RIOX1: variants seen among roughly 807,000 people sequenced by gnomAD.
RIOX1 encodes ribosomal oxygenase 1.
A neutral mutation model predicts 44.6 loss-of-function variants in RIOX1; 33 were observed. The observed-to-expected ratio is 0.74, with a 90% CI of 0.56 to 0.99. The LOEUF (loss-of-function observed/expected upper bound fraction) is 0.99. RIOX1 is among the 50% of genes least tolerant of loss of function. RIOX1 has a pLI of 0.00. For missense variants in RIOX1, 821 were observed against 871.7 expected (o/e 0.94, Z 0.73); for synonymous variants, 387 against 395.8 (o/e 0.98, Z 0.26).
chr14:73,491,765 A>G lies in RIOX1; in HGVS notation c.748A>G (p.Met250Val). 6.4e-7 allele frequency: 1 copy of G among 1,566,942 alleles called. No individual in the cohort carries two copies. Among genetic ancestry groups the G allele is most frequent in the African/African-American group, 1.4e-5 (1 of 73,656 alleles). Reference sequence around the variant, plus strand: ...TTTCTCTACCGCTGACCTGGATTCGATGCTGCGCAACGAGGAGGTGCAGTT... The same window carrying G: ...TTTCTCTACCGCTGACCTGGATTCGGTGCTGCGCAACGAGGAGGTGCAGTT... ...GLFSTADLDS[M>V]LRNEEVQFGQ... Residue 250 changes from methionine (M) to valine (V), a missense_variant, in exon 1 of 1, where the codon ATG (methionine) becomes GTG (valine). By Grantham distance (21) the Met-to-Val change is conservative. This residue lies in a region of RIOX1 where 554 missense variants were observed against 531.2 expected (regional missense o/e 1.04). Transcript: ENST00000304061.
In RIOX1 at chr14:73,491,047, G is replaced by C. The variant is rs765483658; in HGVS notation, c.30G>C (p.Pro10=). The C allele has an allele frequency of 1.3e-6, 2 of 1,587,232 alleles. No individual in the cohort carries two copies. Among genetic ancestry groups the C allele is most frequent in the East Asian group, 2.3e-5 (1 of 43,324 alleles). ...ATGGGCTCCAGGCCAGTGCAGGGCC[G>C]TTGAGGCGCGGGCGGCCGAAGCGCC... MDGLQASAG[P]LRRGRPKRRR... The change falls in exon 1 of 1, where the codon CCG becomes CCC. Residue 10 remains proline, a synonymous_variant. Coordinates refer to ENST00000304061, the MANE Select transcript of RIOX1 (RefSeq NM_024644.5).
In RIOX1 at chr14:73,493,204, T is replaced by C; in HGVS notation, c.*261T>C. ...TGATCATTTCAGAGCACCAACTTCA[T>C]CACCTTCAGGCTTCAGTGTACTGGG... On this transcript the variant is annotated 3_prime_UTR_variant, in exon 1 of 1. Coordinates refer to ENST00000304061, the MANE Select transcript of RIOX1 (RefSeq NM_024644.5). 1 of 1,138,788 alleles carries C rather than the reference T, an allele frequency of 8.8e-7. No individual in the cohort carries two copies. The highest frequency in any genetic ancestry group is 1.3e-6 in the Non-Finnish European group (1 of 751,856). The allele number at this position is 1,138,788 out of a possible 1,614,324, so 70.5% of individuals were successfully genotyped here.
chr14:73,492,740 C>G lies in RIOX1; in HGVS notation c.1723C>G (p.Arg575Gly). 1.2e-6 allele frequency: 2 copies of G among 1,613,898 alleles called. No individual in the cohort carries two copies. The highest frequency in any genetic ancestry group is 1.7e-6 in the Non-Finnish European group (2 of 1,179,888). ...TCTCTATTACACAGTGGAAAACTCC[C>G]GTGTGTATCATCTGGAAGAACCCAA... ...LFLYYTVENS[R>G]VYHLEEPKCL... The change falls in exon 1 of 1, where the codon CGT becomes GGT. Residue 575 changes from arginine to glycine, a missense_variant. This residue lies in a region of RIOX1 where 267 missense variants were observed against 340.5 expected (regional missense o/e 0.78). Coordinates refer to ENST00000304061, the MANE Select transcript of RIOX1 (RefSeq NM_024644.5). This position sits in a 1 kb window ranked among gnomAD's most constrained non-coding sequence, Gnocchi z 4.9.
In RIOX1 at chr14:73,491,959, G is replaced by A. The variant is rs1885788461; in HGVS notation, c.942G>A (p.Val314=). The A allele has an allele frequency of 6.2e-7, 1 of 1,613,910 alleles. No homozygotes were observed. The highest frequency in any genetic ancestry group is 1.7e-5 in the Admixed American group (1 of 60,014). Residue 314 remains valine, a synonymous_variant, in exon 1 of 1, where the codon GTG becomes GTA. Transcript: ENST00000304061. ...FSTTVWQFLA[V]LQEQFGSMAG... is the part of the protein sequence containing the mutation. Reference sequence around the variant, plus strand: ...CTACTGTGTGGCAGTTTTTGGCTGTGCTTCAAGAGCAGTTTGGAAGCATGG... The same window carrying A: ...CTACTGTGTGGCAGTTTTTGGCTGTACTTCAAGAGCAGTTTGGAAGCATGG...
rs1885720393 is a variant in RIOX1, at chr14:73,491,368, C to T, written c.351C>T (p.Thr117=). The change falls in exon 1 of 1, where the codon ACC becomes ACT. Residue 117 remains threonine, a synonymous_variant. Transcript: ENST00000304061. ...CGCCCGCCGCGCGCTCCCTGCAGAC[C>T]CCGTCGGCGCGCCTGGTGCCCGCTT... is the stretch of plus-strand genomic sequence containing the variant. The part of the protein sequence containing the change: ...EASPAARSLQ[T]PSARLVPASA... 2 of 1,366,908 alleles carry T rather than the reference C, an allele frequency of 1.5e-6. No homozygotes were observed. The highest frequency in any genetic ancestry group is 1.9e-6 in the Non-Finnish European group (2 of 1,066,146). The allele number at this position is 1,366,908 out of a possible 1,614,324, so 84.7% of individuals were successfully genotyped here.
Position 73,491,102 on chromosome 14 carries a change from G to T in RIOX1, c.85G>T (p.Val29Phe). The change falls in exon 1 of 1, where the codon GTC (valine) becomes TTC (phenylalanine). Residue 29 changes from valine (V) to phenylalanine (F), a missense_variant. By Grantham distance (50) the Val-to-Phe change is conservative. Coordinates refer to ENST00000304061, the MANE Select transcript of RIOX1 (RefSeq NM_024644.5). ...CAAGCCCCAGCCACACAGCGGGTCGGTCCTGGCCCTGCCCTTGAGGTCCAG... is the reference window on the plus strand; with the variant it reads ...CAAGCCCCAGCCACACAGCGGGTCGTTCCTGGCCCTGCCCTTGAGGTCCAG... Reference protein sequence around the residue: ...RRKPQPHSGSVLALPLRSRKI... With the variant: ...RRKPQPHSGSFLALPLRSRKI... 6.2e-7 allele frequency: 1 copy of T among 1,606,080 alleles called. No individual in the cohort carries two copies. Among genetic ancestry groups the T allele is most frequent in the Non-Finnish European group, 8.5e-7 (1 of 1,176,440 alleles).
chr14:73,491,510 G>T lies in RIOX1; in HGVS notation c.493G>T (p.Ala165Ser). Residue 165 changes from alanine to serine, a missense_variant, in exon 1 of 1, where the codon GCG becomes TCG. Ala to Ser is a moderately conservative substitution (Grantham distance 99). This residue lies in a region of RIOX1 where 554 missense variants were observed against 531.2 expected (regional missense o/e 1.04). Transcript: ENST00000304061. ...GGCCGTCCAGTCGTCCGGGGCCCCTGCGACGGCGTCGGGGCCGCAGGTGGA... is the reference window on the plus strand; with the variant it reads ...GGCCGTCCAGTCGTCCGGGGCCCCTTCGACGGCGTCGGGGCCGCAGGTGGA... ...LAAVQSSGAP[A>S]TASGPQVDNT... 1 of 1,512,092 alleles carries T rather than the reference G, an allele frequency of 6.6e-7. No homozygotes were observed. The allele number at this position is 1,512,092 out of a possible 1,614,324, so 93.7% of individuals were successfully genotyped here. A position where few individuals can be genotyped will look rare whatever the true frequency, so the allele number is the denominator to read the frequency against.
At position 73,493,218 on chromosome 14, in the gene RIOX1, C is replaced by T. The variant is rs1167979947; in HGVS notation, c.*275C>T. ...CACCAACTTCATCACCTTCAGGCTTCAGTGTACTGGGTAACACTGACCATG... is the reference window on the plus strand; with the variant it reads ...CACCAACTTCATCACCTTCAGGCTTTAGTGTACTGGGTAACACTGACCATG... On this transcript the variant is annotated 3_prime_UTR_variant, in exon 1 of 1. Transcript: ENST00000304061. The T allele has an allele frequency of 5.0e-6, 5 of 1,007,560 alleles. No homozygotes were observed. The highest frequency in any genetic ancestry group is 3.1e-6 in the Non-Finnish European group (2 of 636,716). 62.4% of individuals were successfully genotyped at this position (1,007,560 alleles called of 1,614,324 possible).
In RIOX1 at chr14:73,492,880, CTTGGCAACCACG is replaced by C; in HGVS notation, c.1867_1878del (p.Ala623_Leu626del). ...GTGACAGTGTGGAGGACCAGCTGTC[CTTGGCAACCACG>C]TTGTATGATAAGGGGCTGCTGCTCA... On this transcript the variant is annotated inframe_deletion, in exon 1 of 1. Transcript: ENST00000304061. The surrounding 1 kb of genome is among the most constrained non-coding windows in gnomAD (Gnocchi z 4.9). 6.2e-7 allele frequency: 1 copy of C among 1,613,880 alleles called. No homozygotes were observed. Among genetic ancestry groups the C allele is most frequent in the Non-Finnish European group, 8.5e-7 (1 of 1,179,864 alleles).
chr14:73,490,972 C>T lies in RIOX1; in HGVS notation c.-46C>T, dbSNP rs758772929. 210 of 1,314,914 alleles carry T rather than the reference C, an allele frequency of 1.6e-4. No homozygotes were observed. The highest frequency in any genetic ancestry group is 5.6e-4 in the Middle Eastern group (2 of 3,542). The allele number at this position is 1,314,914 out of a possible 1,614,324, so 81.5% of individuals were successfully genotyped here. ...CCGCTGCATTCAGGAACCGCTTTAG[C>T]TTCGCCCCCGGCCGGCCGGGCGGGG... is the stretch of plus-strand genomic sequence containing the variant. On this transcript the variant is annotated 5_prime_UTR_variant, in exon 1 of 1. Transcript: ENST00000304061.
Position 73,490,978 on chromosome 14 carries a change from C to T in RIOX1, c.-40C>T, listed in dbSNP as rs779912739. 11 of 1,319,244 alleles carry T rather than the reference C, an allele frequency of 8.3e-6. No individual in the cohort carries two copies. The African/African-American group carries it at 1.2e-4, about 15-fold the overall frequency. The allele number at this position is 1,319,244 out of a possible 1,614,324, so 81.7% of individuals were successfully genotyped here. A position where few individuals can be genotyped will look rare whatever the true frequency, so the allele number is the denominator to read the frequency against. On this transcript the variant is annotated 5_prime_UTR_variant, in exon 1 of 1. Transcript: ENST00000304061. The stretch of plus-strand genomic sequence containing the variant: ...CATTCAGGAACCGCTTTAGCTTCGC[C>T]CCCGGCCGGCCGGGCGGGGAAGACT...
rs779339117 is a variant in RIOX1 at position 73,491,332 on chromosome 14, G to T, written c.315G>T (p.Leu105=). 72 of 1,468,070 alleles carry T rather than the reference G, an allele frequency of 4.9e-5. 1 individual carries two copies. The South Asian group carries it at 8.6e-4, about 18-fold the overall frequency. 90.9% of individuals were successfully genotyped at this position (1,468,070 alleles called of 1,614,324 possible). Reference sequence around the variant, plus strand: ...ACGGCCACCTGGGGCCCGCAGAGCTGCTGGAGGCCTCGCCCGCCGCGCGCT... The same window carrying T: ...ACGGCCACCTGGGGCCCGCAGAGCTTCTGGAGGCCTCGCCCGCCGCGCGCT... ...EPYGHLGPAE[L]LEASPAARSL... is the part of the protein sequence containing the mutation. Residue 105 remains leucine (L), a synonymous_variant, in exon 1 of 1, where the codon CTG becomes CTT. Transcript: ENST00000304061.
Position 73,493,269 on chromosome 14 carries a change from A to G in RIOX1, c.*326A>G. On this transcript the variant is annotated 3_prime_UTR_variant, in exon 1 of 1. Coordinates refer to ENST00000304061, the MANE Select transcript of RIOX1 (RefSeq NM_024644.5). ...TCGTTCTGCTTGAGACAGATATTAG[A>G]TTTTTTTTGGAATTTGGATCTTTCA... is the stretch of plus-strand genomic sequence containing the variant. 3.1e-6 allele frequency: 2 copies of G among 638,298 alleles called. No individual in the cohort carries two copies. The highest frequency in any genetic ancestry group is 5.4e-6 in the Non-Finnish European group (2 of 369,762). The allele number at this position is 638,298 out of a possible 1,614,324, so 39.5% of individuals were successfully genotyped here.
rs1045137603 is a variant in RIOX1, at chr14:73,493,169, C to T, written c.*226C>T. On this transcript the variant is annotated 3_prime_UTR_variant, in exon 1 of 1. Coordinates refer to ENST00000304061, the MANE Select transcript of RIOX1 (RefSeq NM_024644.5). ...GAGAAGTTGGAGGTGGAAAAAAAAC[C>T]CTTGATCCGTGATCATTTCAGAGCA... 4 of 1,529,996 alleles carry T rather than the reference C, an allele frequency of 2.6e-6. No homozygotes were observed. Among genetic ancestry groups the T allele is most frequent in the African/African-American group, 2.7e-5 (2 of 72,912 alleles). 94.8% of individuals were successfully genotyped at this position (1,529,996 alleles called of 1,614,324 possible).
Position 73,491,148 on chromosome 14 carries a change from G to A in RIOX1, c.131G>A (p.Arg44Gln). 3 of 1,607,876 alleles carry A rather than the reference G, an allele frequency of 1.9e-6. No individual in the cohort carries two copies. Among genetic ancestry groups the A allele is most frequent in the East Asian group, 2.2e-5 (1 of 44,660 alleles). ...LRSRKIRKQL[R>Q]SVVSRMAALR... ...TCCAGGAAGATACGAAAGCAGCTGC[G>A]AAGTGTTGTATCCCGCATGGCAGCG... The change falls in exon 1 of 1, where the codon CGA (arginine) becomes CAA (glutamine). Residue 44 changes from arginine (R) to glutamine (Q), a missense_variant. This residue lies in a region of RIOX1 where 554 missense variants were observed against 531.2 expected (regional missense o/e 1.04). Transcript: ENST00000304061.
In RIOX1 at chr14:73,493,222, G is replaced by A. The variant is rs1020407136; in HGVS notation, c.*279G>A. The stretch of plus-strand genomic sequence containing the variant: ...AACTTCATCACCTTCAGGCTTCAGT[G>A]TACTGGGTAACACTGACCATGTCGT... On this transcript the variant is annotated 3_prime_UTR_variant, in exon 1 of 1. Transcript: ENST00000304061. The A allele has an allele frequency of 2.0e-6, 2 of 977,484 alleles. No individual in the cohort carries two copies. The highest frequency in any genetic ancestry group is 3.3e-6 in the Non-Finnish European group (2 of 612,822). 60.6% of individuals were successfully genotyped at this position (977,484 alleles called of 1,614,324 possible).
In RIOX1 at chr14:73,491,597, C is replaced by T; in HGVS notation, c.580C>T (p.Arg194Cys). The change falls in exon 1 of 1, where the codon CGC (arginine) becomes TGC (cysteine). Residue 194 changes from arginine to cysteine, a missense_variant. Physicochemically the swap from Arg to Cys is radical, Grantham distance 180 (BLOSUM62 -3). Around this residue, in one of 2 missense-constraint regions of RIOX1, gnomAD observed 554 missense variants for 531.2 expected, o/e 1.04. Coordinates refer to ENST00000304061, the MANE Select transcript of RIOX1 (RefSeq NM_024644.5). ...GCGGCGCGTCTTGGCCGAGCTGAAC[C>T]GCATCCCCAGCAGCCGGCGGCGAGC... Reference protein sequence around the residue: ...PLRRVLAELNRIPSSRRRAAR... With the variant: ...PLRRVLAELNCIPSSRRRAAR... The T allele has an allele frequency of 6.5e-7, 1 of 1,546,506 alleles. No individual in the cohort carries two copies. The highest frequency in any genetic ancestry group is 8.7e-7 in the Non-Finnish European group (1 of 1,146,256).
rs1325472045 is a variant in RIOX1 at position 73,491,800 on chromosome 14, T to A, written c.783T>A (p.His261Gln). The change falls in exon 1 of 1, where the codon CAT becomes CAA. Residue 261 changes from histidine to glutamine, a missense_variant. His to Gln is a conservative substitution (Grantham distance 24). This residue lies in a region of RIOX1 where 554 missense variants were observed against 531.2 expected (regional missense o/e 1.04). Transcript: ENST00000304061. ...LRNEEVQFGQHLDAARYINGR... is the reference protein window; with the variant it reads ...LRNEEVQFGQQLDAARYINGR... ...ACGAGGAGGTGCAGTTCGGCCAGCATTTGGACGCCGCTCGCTACATCAACG... is the reference window on the plus strand; with the variant it reads ...ACGAGGAGGTGCAGTTCGGCCAGCAATTGGACGCCGCTCGCTACATCAACG... The A allele has an allele frequency of 6.3e-7, 1 of 1,595,694 alleles. No individual in the cohort carries two copies. The highest frequency in any genetic ancestry group is 1.3e-5 in the African/African-American group (1 of 74,410).
Position 73,493,068 on chromosome 14 carries a change from TTATCACTGC to T in RIOX1, c.*127_*135del. 1 of 1,612,120 alleles carries T rather than the reference TTATCACTGC, an allele frequency of 6.2e-7. No homozygotes were observed. Among genetic ancestry groups the T allele is most frequent in the Non-Finnish European group, 8.5e-7 (1 of 1,179,592 alleles). ...AGCATCAGTGTGCTCACATTTACCT[TTATCACTGC>T]TTCAGTGTCACAAACCTCGGAAGGT... On this transcript the variant is annotated 3_prime_UTR_variant, in exon 1 of 1. Transcript: ENST00000304061.
Sources: gnomAD v4.1 joint callset for allele counts on GRCh38, gnomAD v4.1.1 for gene constraint, gnomAD v4.1.1 regional missense constraint, Gnocchi (gnomAD v3.1) non-coding constraint, MANE v1.5 for transcripts, NCBI Gene and HGNC (gene_info 2026-07-23, HGNC 2026-07-21) for gene names.